STAT4: variants seen among roughly 807,000 people sequenced by gnomAD.
STAT4 encodes signal transducer and activator of transcription 4.
A neutral mutation model predicts 110.5 loss-of-function variants in STAT4; 42 were observed. That is an observed-to-expected ratio of 0.38 (90% CI 0.30 to 0.49). The LOEUF (loss-of-function observed/expected upper bound fraction) is 0.49. Among genes scored for constraint, STAT4 ranks in the 20% least tolerant of loss-of-function variants. The pLI is 0.95. For missense variants in STAT4, 632 were observed against 887.9 expected (o/e 0.71, Z 3.66); for synonymous variants, 284 against 302.2 (o/e 0.94, Z 0.63).
chr2:191,132,839 C>CCGCG (rs1180141376), intron 3 of STAT4, among the ~76,000 whole-genome samples: 2 of 150,312 alleles, frequency 1.3e-5, no homozygotes, highest in Admixed American at 6.6e-5. Flanking sequence ...ACTGCAAGCT[C>CCGCG]CGCCTCCCGG....
At chr2:191,094,646 G>T (rs1348511805) in intron 3 of STAT4, among the ~76,000 whole-genome samples, 1 of 152,110 alleles carries the variant, frequency 6.6e-6, no homozygotes, top group Non-Finnish European at 1.5e-5. Context: ...ATGCCAAATT[G>T]TGAAGACCAT....
rs1422124221 is a variant in STAT4, at chr2:191,141,402, T to TATACATATACATATGTATATCACATAC, written c.273+5184_273+5210dup. Among the ~76,000 whole-genome samples the TATACATATACATATGTATATCACATAC allele has an allele frequency of 6.8e-5, 10 of 146,872 alleles. No homozygotes were observed. In the East Asian group the frequency reaches 7.9e-4, roughly 12 times the overall value. On this transcript the variant is annotated intron_variant, in intron 3 of 23. Coordinates refer to ENST00000392320, the MANE Select transcript of STAT4 (RefSeq NM_003151.4). ...CATACATGTATATATATATCATATA[T>TATACATATACATATGTATATCACATAC]ATACATATACATATGTATATCACAT...
In STAT4 at chr2:191,090,616, A is replaced by T. The variant is rs937048539; in HGVS notation, c.274-14291T>A. On this transcript the variant is annotated intron_variant, in intron 3 of 23. Coordinates refer to ENST00000392320, the MANE Select transcript of STAT4 (RefSeq NM_003151.4). This position sits in a 1 kb window ranked among gnomAD's most constrained non-coding sequence, Gnocchi z 4.2. The stretch of plus-strand genomic sequence containing the variant: ...GCTTCTGTTGCCCAGACTGGAGTGC[A>T]GTGGCGCGATCTCCGCCCACTGCAA... 1.3e-5 allele frequency among the ~76,000 whole-genome samples: 2 copies of T among 152,130 alleles called. No individual in the cohort carries two copies. Among genetic ancestry groups the T allele is most frequent in the Non-Finnish European group, 2.9e-5 (2 of 68,016 alleles).
In STAT4 at chr2:191,147,498, G is replaced by T. The variant is rs1350149086; in HGVS notation, c.128+578C>A. Among the ~76,000 whole-genome samples, 1 of 152,124 alleles carries T rather than the reference G, an allele frequency of 6.6e-6. No homozygotes were observed. Among genetic ancestry groups the T allele is most frequent in the Non-Finnish European group, 1.5e-5 (1 of 68,000 alleles). On this transcript the variant is annotated intron_variant, in intron 2 of 23. Coordinates refer to ENST00000392320, the MANE Select transcript of STAT4 (RefSeq NM_003151.4). This position sits in a 1 kb window ranked among gnomAD's most constrained non-coding sequence, Gnocchi z 4.1. ...AGAAAATAGAATGGTGATTGCCAGGGGTTGGGGGTGGAGGACTAGGGAGTT... is the reference window on the plus strand; with the variant it reads ...AGAAAATAGAATGGTGATTGCCAGGTGTTGGGGGTGGAGGACTAGGGAGTT...
chr2:191,086,031 A>G lies in STAT4; in HGVS notation c.274-9706T>C, dbSNP rs1010311694. 6.6e-6 allele frequency among the ~76,000 whole-genome samples: 1 copy of G among 152,214 alleles called. No homozygotes were observed. The highest frequency in any genetic ancestry group is 1.5e-5 in the Non-Finnish European group (1 of 68,036). On this transcript the variant is annotated intron_variant, in intron 3 of 23. Coordinates refer to ENST00000392320, the MANE Select transcript of STAT4 (RefSeq NM_003151.4). This position sits in a 1 kb window ranked among gnomAD's most constrained non-coding sequence, Gnocchi z 5.5. The stretch of plus-strand genomic sequence containing the variant: ...CAGAATTTGGAAACTATTTGTGAGT[A>G]TTCTTAATTTATGGCAATAGTTATT...
rs1405888880 is a variant in STAT4 at position 191,051,108 on chromosome 2, T to C, written c.1251+3382A>G. On this transcript the variant is annotated intron_variant, in intron 14 of 23. Transcript: ENST00000392320. This position sits in a 1 kb window ranked among gnomAD's most constrained non-coding sequence, Gnocchi z 5.6. ...CAGGAATTCCAGACATGAAATCCCA[T>C]AAAGGGGCATACACAAATGGTGACC... is the stretch of plus-strand genomic sequence containing the variant. Among the ~76,000 whole-genome samples the C allele has an allele frequency of 6.6e-6, 1 of 152,036 alleles. No homozygotes were observed. Among genetic ancestry groups the C allele is most frequent in the Non-Finnish European group, 1.5e-5 (1 of 68,012 alleles).
chr2:191,141,303 T>A (rs1428487151), intron 3 of STAT4, among the ~76,000 whole-genome samples: 1 of 151,330 alleles, frequency 6.6e-6, no homozygotes, highest in African/African-American at 2.4e-5. Context: ...ATGCTCAACA[T>A]CACTAATCAG....
intron 14 of STAT4, among the ~76,000 whole-genome samples, chr2:191,048,788 CAAAAAAAAAAAA>C (rs60267174): frequency 8.2e-5 from 4 of 48,768 alleles, no homozygotes; most frequent in African/African-American, 3.0e-4. Context: ...AACTCCATCT[CAAAAAAAAAAAA>C]AAAAAAAAAA....
chr2:191,150,206 G>A lies in STAT4; in HGVS notation c.-2+741C>T, dbSNP rs1039123519. 8.5e-5 allele frequency among the ~76,000 whole-genome samples: 13 copies of A among 152,144 alleles called. No homozygotes were observed. Among genetic ancestry groups the A allele is most frequent in the African/African-American group, 2.9e-4 (12 of 41,434 alleles). ...ACTACTAAGATCTGAGTCTTTCGGA[G>A]AGCTGAATTCAAAGCTGAAAAAAGG... On this transcript the variant is annotated intron_variant, in intron 1 of 23. Transcript: ENST00000392320. The surrounding 1 kb of genome is among the most constrained non-coding windows in gnomAD (Gnocchi z 6.4).
chr2:191,102,890 T>C (rs1698181872), intron 3 of STAT4, among the ~76,000 whole-genome samples: 3 of 152,170 alleles, frequency 2.0e-5, no homozygotes, highest in Admixed American at 2.0e-4. Context: ...CCATATACTA[T>C]TTTCTTTCAT....
At position 191,051,494 on chromosome 2, in the gene STAT4, C is replaced by G. The variant is rs1212119698; in HGVS notation, c.1251+2996G>C. On this transcript the variant is annotated intron_variant, in intron 14 of 23. Coordinates refer to ENST00000392320, the MANE Select transcript of STAT4 (RefSeq NM_003151.4). This position sits in a 1 kb window ranked among gnomAD's most constrained non-coding sequence, Gnocchi z 5.6. ...AGTGGCTTGTGCAAGCTCAGATTGC[C>G]TGAAGAGGCAAAAACCAACACTGCT... 6.6e-6 allele frequency among the ~76,000 whole-genome samples: 1 copy of G among 152,234 alleles called. No individual in the cohort carries two copies. Among genetic ancestry groups the G allele is most frequent in the Non-Finnish European group, 1.5e-5 (1 of 68,046 alleles).
In STAT4 at chr2:191,049,427, C is replaced by T. The variant is rs574428796; in HGVS notation, c.1251+5063G>A. 4.1e-4 allele frequency among the ~76,000 whole-genome samples: 62 copies of T among 152,156 alleles called. No homozygotes were observed. In the South Asian group the frequency reaches 7.9e-3, roughly 19 times the overall value. Reference sequence around the variant, plus strand: ...TCCTGACCTCGTGATCTGCCCACCTCGGCCTCCCAAAGTGCTGGGATTACA... The same window carrying T: ...TCCTGACCTCGTGATCTGCCCACCTTGGCCTCCCAAAGTGCTGGGATTACA... On this transcript the variant is annotated intron_variant, in intron 14 of 23. Transcript: ENST00000392320.
At chr2:191,089,757 T>A (rs1697740378) in intron 3 of STAT4, among the ~76,000 whole-genome samples, 1 of 152,228 alleles carries the variant, frequency 6.6e-6, no homozygotes, top group Non-Finnish European at 1.5e-5. Flanking sequence ...GGAAAAGATA[T>A]GGATGAAATT....
At position 191,138,622 on chromosome 2, in the gene STAT4, T is replaced by C. The variant is rs1574195412; in HGVS notation, c.273+7991A>G. On this transcript the variant is annotated intron_variant, in intron 3 of 23. Transcript: ENST00000392320. This position sits in a 1 kb window ranked among gnomAD's most constrained non-coding sequence, Gnocchi z 4.3. ...ATTGAATCAGTAGTTTAAAAAAAAT[T>C]GCCAACCAAAAAAGTCCAGGACCAG... 6.6e-6 allele frequency among the ~76,000 whole-genome samples: 1 copy of C among 152,004 alleles called. No homozygotes were observed. The highest frequency in any genetic ancestry group is 1.9e-4 in the East Asian group (1 of 5,190).
chr2:191,105,815 T>A (rs111336039), intron 3 of STAT4, among the ~76,000 whole-genome samples: 4,083 of 152,350 alleles, frequency 0.027, 69 homozygotes, highest in Non-Finnish European at 0.042. Context: ...AAGTCATTTC[T>A]CTGTCATGGA....
In STAT4 at chr2:191,061,858, C is replaced by T; in HGVS notation, c.942-37G>A. The T allele has an allele frequency of 6.3e-7, 1 of 1,585,558 alleles. No homozygotes were observed. Among genetic ancestry groups the T allele is most frequent in the Non-Finnish European group, 8.6e-7 (1 of 1,157,764 alleles). On this transcript the variant is annotated intron_variant, in intron 9 of 23. Coordinates refer to ENST00000392320, the MANE Select transcript of STAT4 (RefSeq NM_003151.4). The surrounding 1 kb of genome is among the most constrained non-coding windows in gnomAD (Gnocchi z 6.2). ...GGAAATAAAGCGCATCATTTGAAAA[C>T]ACTGAAAATATTGAGACTGAAAACC...
In STAT4 at chr2:191,051,385, T is replaced by C. The variant is rs1314713346; in HGVS notation, c.1251+3105A>G. On this transcript the variant is annotated intron_variant, in intron 14 of 23. Transcript: ENST00000392320. This position sits in a 1 kb window ranked among gnomAD's most constrained non-coding sequence, Gnocchi z 5.6. ...CCACCACTGACTCACACACAGCTCA[T>C]TCAGTCCTCACAACAACCCTTAGAA... Among the ~76,000 whole-genome samples, 3 of 152,212 alleles carry C rather than the reference T, an allele frequency of 2.0e-5. No homozygotes were observed. The highest frequency in any genetic ancestry group is 7.2e-5 in the African/African-American group (3 of 41,460).
In STAT4 at chr2:191,061,075, A is replaced by G. The variant is rs1393224638; in HGVS notation, c.1034+654T>C. 6.6e-6 allele frequency among the ~76,000 whole-genome samples: 1 copy of G among 152,232 alleles called. No homozygotes were observed. Among genetic ancestry groups the G allele is most frequent in the Non-Finnish European group, 1.5e-5 (1 of 68,042 alleles). On this transcript the variant is annotated intron_variant, in intron 10 of 23. Coordinates refer to ENST00000392320, the MANE Select transcript of STAT4 (RefSeq NM_003151.4). The surrounding 1 kb of genome is among the most constrained non-coding windows in gnomAD (Gnocchi z 6.2). The stretch of plus-strand genomic sequence containing the variant: ...AGAACTCAAACTCATTGTTCTCAGC[A>G]TCATTAGGGAAAACTGTAAGTTTTG...
intron 3 of STAT4, among the ~76,000 whole-genome samples, chr2:191,128,229 G>A (rs549983496): frequency 6.6e-6 from 1 of 152,234 alleles, no homozygotes; most frequent in Non-Finnish European, 1.5e-5. Flanking sequence ...TGCTACCCAT[G>A]TGTGGCAAAA....
Sources: allele counts gnomAD v4.1 joint callset (sites outside exome capture counted in the v4.1 genomes callset), GRCh38; gene constraint gnomAD v4.1.1; non-coding constraint Gnocchi (gnomAD v3.1); transcripts MANE v1.5; gene names NCBI Gene and HGNC (gene_info 2026-07-23, HGNC 2026-07-21).